KLHL1: variants seen among roughly 807,000 people sequenced by gnomAD.
KLHL1 encodes the protein kelch-like protein 1.
KLHL1 carries 47 observed loss-of-function variants against 77.7 expected under a neutral mutation model. The ratio of observed to expected loss-of-function variants is 0.60; its 90% CI spans 0.48 to 0.77. KLHL1 has a LOEUF of 0.77. Ranked by LOEUF, KLHL1 falls within the 30% of genes least tolerant of loss-of-function variation. KLHL1 has a pLI of 0.00. For missense variants in KLHL1, 925 were observed against 910.8 expected, an observed-to-expected ratio of 1.02 and a Z score of -0.20; for synonymous variants, 360 against 325.2, an observed-to-expected ratio of 1.11 and a Z score of -1.15.
intron 1 of KLHL1, among the ~76,000 whole-genome samples, chr13:70,021,891 C>A (rs1452398097): frequency 6.6e-6 from 1 of 151,958 alleles, no homozygotes; most frequent in East Asian, 1.9e-4. Context: ...ATTTTAAAAA[C>A]TGTCCTTTAT....
intron 4 of KLHL1, among the ~76,000 whole-genome samples, chr13:69,905,858 G>A (rs766424014): frequency 1.3e-5 from 2 of 151,938 alleles, no homozygotes; most frequent in African/African-American, 2.4e-5. Flanking sequence ...AAATAATCAC[G>A]ATAAATGGCT....
intron 7 of KLHL1, among the ~76,000 whole-genome samples, chr13:69,747,627 T>C (rs1874273806): frequency 6.6e-6 from 1 of 151,960 alleles, no homozygotes; most frequent in South Asian, 2.1e-4. Flanking sequence ...AAAGGTCCTA[T>C]AAGCATATAA....
At chr13:69,795,473 T>C (rs566277591) in intron 7 of KLHL1, among the ~76,000 whole-genome samples, 1 of 152,334 alleles carries the variant, frequency 6.6e-6, no homozygotes, top group South Asian at 2.1e-4. Flanking sequence ...GTCAATTTGC[T>C]GGCATATTTC....
chr13:69,707,897 A>C, intron 9 of KLHL1, 101 bp from the exon 10 acceptor site: 1 of 920,764 alleles, frequency 1.1e-6, no homozygotes. Flanking sequence ...AAAGGAAACT[A>C]CCTTTTTTTT....
chr13:70,100,672 A>C (rs2137454073), intron 1 of KLHL1, among the ~76,000 whole-genome samples: 1 of 152,230 alleles, frequency 6.6e-6, no homozygotes, highest in South Asian at 2.1e-4. Flanking sequence ...GATCTTCAAA[A>C]CCATCTTTAA....
At chr13:70,010,694 C>T (rs1885511877) in intron 1 of KLHL1, among the ~76,000 whole-genome samples, 1 of 151,814 alleles carries the variant, frequency 6.6e-6, no homozygotes, top group Non-Finnish European at 1.5e-5. Context: ...AGTTTGAGAC[C>T]AGCCTGGCCA....
chr13:69,933,307 T>C (rs1883067575), intron 4 of KLHL1, among the ~76,000 whole-genome samples: 1 of 152,106 alleles, frequency 6.6e-6, no homozygotes, highest in Non-Finnish European at 1.5e-5. Flanking sequence ...TATCATGTAA[T>C]AGTCTTGAGA....
intron 5 of KLHL1, among the ~76,000 whole-genome samples, chr13:69,850,625 T>A (rs1465947263): frequency 6.6e-6 from 1 of 151,688 alleles, no homozygotes; most frequent in Non-Finnish European, 1.5e-5. Flanking sequence ...TTGAGAAAGA[T>A]CCATCACTTA....
At chr13:69,771,647 C>A (rs1005648302) in intron 7 of KLHL1, among the ~76,000 whole-genome samples, 1 of 152,114 alleles carries the variant, frequency 6.6e-6, no homozygotes, top group African/African-American at 2.4e-5. Context: ...AACAGATATT[C>A]TTTTTTCCTT....
intron 7 of KLHL1, among the ~76,000 whole-genome samples, chr13:69,780,741 T>TATATAC (rs1876137600): frequency 1.6e-5 from 1 of 62,322 alleles, no homozygotes; most frequent in Non-Finnish European, 3.4e-5. Context: ...TACATATATA[T>TATATAC]ATACATATAT....
intron 7 of KLHL1, among the ~76,000 whole-genome samples, chr13:69,784,039 T>TAAAGA (rs1193495894): frequency 1.3e-5 from 2 of 152,066 alleles, no homozygotes; most frequent in Admixed American, 6.6e-5. Flanking sequence ...TCAACATTCT[T>TAAAGA]AAAGAAAAGA....
At chr13:70,017,604 T>G (rs1263695527) in intron 1 of KLHL1, among the ~76,000 whole-genome samples, 2 of 152,118 alleles carry the variant, frequency 1.3e-5, no homozygotes, top group Non-Finnish European at 2.9e-5. Flanking sequence ...AAGAGCTGAG[T>G]GCAGCCTGCT....
At chr13:70,027,062 T>C (rs1339729644) in intron 1 of KLHL1, among the ~76,000 whole-genome samples, 1 of 152,032 alleles carries the variant, frequency 6.6e-6, no homozygotes, top group Non-Finnish European at 1.5e-5. Context: ...GAGTTTAGAG[T>C]GTAGTAAAGA....
rs530252022 is a variant in KLHL1, at chr13:70,024,404, A to T, written c.498-48602T>A. On this transcript the variant is annotated intron_variant, in intron 1 of 10. Transcript: ENST00000377844. ...GGAAGAGAGAGAGATTGAGGAAAAA[A>T]CTCAGGGGACTTGCCATGAGTGTTT... is the stretch of plus-strand genomic sequence containing the variant. Among the ~76,000 whole-genome samples, 364 of 151,674 alleles carry T rather than the reference A, an allele frequency of 2.4e-3. 4 individuals carry two copies. The highest frequency in any genetic ancestry group is 8.5e-3 in the African/African-American group (353 of 41,418).
chr13:69,883,694 G>C (rs1280370262), intron 4 of KLHL1, among the ~76,000 whole-genome samples: 1 of 152,206 alleles, frequency 6.6e-6, no homozygotes, highest in Non-Finnish European at 1.5e-5. Context: ...TACATGAATT[G>C]ATAATCTCTG....
intron 4 of KLHL1, among the ~76,000 whole-genome samples, chr13:69,893,085 A>C (rs1593923839): frequency 6.6e-6 from 1 of 152,306 alleles, no homozygotes; most frequent in South Asian, 2.1e-4. Context: ...TAATTATAAT[A>C]ATTGTCAAAG....
intron 1 of KLHL1, among the ~76,000 whole-genome samples, chr13:70,072,443 G>A (rs1181793005): frequency 1.3e-5 from 2 of 152,078 alleles, no homozygotes; most frequent in Non-Finnish European, 2.9e-5. Context: ...GTGAAGTCAT[G>A]AGGTCAGTAT....
At chr13:69,798,052 T>G (rs1566266541) in intron 6 of KLHL1, among the ~76,000 whole-genome samples, 3 of 151,914 alleles carry the variant, frequency 2.0e-5, no homozygotes, top group Admixed American at 1.3e-4. Context: ...AATTACCCAA[T>G]TCTCATTAAA....
At chr13:70,105,887 C>T (rs1888043158) in intron 1 of KLHL1, among the ~76,000 whole-genome samples, 1 of 150,612 alleles carries the variant, frequency 6.6e-6, no homozygotes, top group African/African-American at 2.4e-5. Flanking sequence ...ATTGATAATT[C>T]CAGATTATAC....
Sources: gnomAD v4.1 joint callset for allele counts (sites outside exome capture counted in the v4.1 genomes callset) on GRCh38, gnomAD v4.1.1 for gene constraint, MANE v1.5 for transcripts, NCBI Gene and HGNC (gene_info 2026-07-23, HGNC 2026-07-21) for gene names.